Variants in SPOPL observed in about 807,000 individuals in gnomAD.
SPOPL encodes speckle-type POZ protein-like.
In SPOPL, 23 loss-of-function variants were observed where a neutral mutation model predicts 53.8. The ratio of observed to expected loss-of-function variants is 0.43; its 90% CI spans 0.31 to 0.61. SPOPL has a LOEUF of 0.61. Ranked by LOEUF, SPOPL falls within the 20% of genes least tolerant of loss-of-function variation. The pLI, the probability that SPOPL is intolerant of heterozygous loss-of-function variation, is 0.12. For synonymous variants in SPOPL, 164 were observed against 149.7 expected (o/e 1.10, Z -0.70); for missense variants, 442 against 466.9 (o/e 0.95, Z 0.49).
chr2:138,520,683 G>A (rs1215585742), intron 1 of SPOPL, among the ~76,000 whole-genome samples: 7 of 152,124 alleles, frequency 4.6e-5, no homozygotes, highest in African/African-American at 1.4e-4. Context: ...CAATGAATAA[G>A]AGAGAAAGAG....
chr2:138,515,413 G>T (rs912412975), intron 1 of SPOPL, among the ~76,000 whole-genome samples: 1 of 152,168 alleles, frequency 6.6e-6, no homozygotes, highest in Non-Finnish European at 1.5e-5. Context: ...TATATGAGCA[G>T]ATCTTTCTCA....
intron 1 of SPOPL, among the ~76,000 whole-genome samples, chr2:138,535,808 G>A (rs1236561569): frequency 2.0e-5 from 3 of 151,550 alleles, no homozygotes; most frequent in Non-Finnish European, 4.4e-5. Context: ...ACAGTTCTCT[G>A]AAGATGTTCA....
At chr2:138,558,286 A>G (rs1333260163) in intron 5 of SPOPL, among the ~76,000 whole-genome samples, 1 of 152,206 alleles carries the variant, frequency 6.6e-6, no homozygotes, top group African/African-American at 2.4e-5. Flanking sequence ...TTATATTGGA[A>G]TCTCCATAAA....
chr2:138,513,743 A>G (rs1351769412), intron 1 of SPOPL, among the ~76,000 whole-genome samples: 3 of 148,354 alleles, frequency 2.0e-5, no homozygotes, highest in Admixed American at 2.0e-4. Context: ...TTACCTCAAA[A>G]AAAAAAAAAA....
At chr2:138,559,409 A>G in intron 7 of SPOPL, 72 bp downstream of exon 7, 1 of 1,438,876 alleles carries the variant, frequency 6.9e-7, no homozygotes, top group Non-Finnish European at 9.4e-7. Flanking sequence ...TTTAAAAGTA[A>G]TAGTACAATG....
intron 7 of SPOPL, among the ~76,000 whole-genome samples, chr2:138,559,813 G>T (rs1047336503): frequency 1.3e-5 from 2 of 152,140 alleles, no homozygotes; most frequent in African/African-American, 4.8e-5. Flanking sequence ...ATCATGAAAT[G>T]TAATTATGTT....
chr2:138,539,751 T>G lies in SPOPL; in HGVS notation c.-60-10406T>G, dbSNP rs540199759. On this transcript the variant is annotated intron_variant, in intron 1 of 10. Transcript: ENST00000280098. ...TTTTGCTGTCCAGAAGCTCTTTAGT[T>G]TAATTAGATCCCATTTGTCAATTTT... 2.5e-4 allele frequency among the ~76,000 whole-genome samples: 38 copies of G among 152,374 alleles called. No homozygotes were observed. The South Asian group carries it at 7.5e-3, about 30-fold the overall frequency.
In SPOPL at chr2:138,550,266, C is replaced by G. The variant is rs746378649; in HGVS notation, c.50C>G (p.Pro17Arg). 2 of 1,613,444 alleles carry G rather than the reference C, an allele frequency of 1.2e-6. No homozygotes were observed. Among genetic ancestry groups the G allele is most frequent in the Non-Finnish European group, 1.7e-6 (2 of 1,179,656 alleles). Reference protein sequence around the residue: ...PPLPGDMSTGPIAESWCYTQV... With the variant: ...PPLPGDMSTGRIAESWCYTQV... The stretch of plus-strand genomic sequence containing the variant: ...CTACCTGGAGATATGTCTACTGGTC[C>G]CATAGCAGAAAGCTGGTGTTACACA... Residue 17 changes from proline (P) to arginine (R), a missense_variant, in exon 2 of 11, where the codon CCC (proline) becomes CGC (arginine). By Grantham distance (103) the Pro-to-Arg change is moderately radical (BLOSUM62 -2). Coordinates refer to ENST00000280098, the MANE Select transcript of SPOPL (RefSeq NM_001001664.3).
intron 4 of SPOPL, 147 bp downstream of exon 4, chr2:138,551,201 A>C: frequency 1.2e-6 from 1 of 838,736 alleles, no homozygotes; most frequent in Non-Finnish European, 1.8e-6. Context: ...ATTTAAATCC[A>C]GCATAGAGCT....
intron 1 of SPOPL, among the ~76,000 whole-genome samples, chr2:138,517,946 G>A (rs1558863058): frequency 6.6e-6 from 1 of 151,058 alleles, no homozygotes; most frequent in African/African-American, 2.4e-5. Context: ...AACTTGCAGG[G>A]CTGAGGCAGG....
Position 138,552,558 on chromosome 2 carries a change from C to T in SPOPL, c.357C>T (p.Ser119=). Residue 119 remains serine, a synonymous_variant, in exon 5 of 11, where the codon AGC becomes AGT. Transcript: ENST00000280098. ...CTCTATTCTGTTTTCCACCAGAAAG[C>T]CAAAGAGCATATCGATTTGTGCAAG... The part of the protein sequence containing the change: ...AKREETKAME[S]QRAYRFVQGK... The T allele has an allele frequency of 6.2e-7, 1 of 1,608,414 alleles. No homozygotes were observed. Among genetic ancestry groups the T allele is most frequent in the Non-Finnish European group, 8.5e-7 (1 of 1,177,944 alleles).
At chr2:138,520,816 T>C (rs917080610) in intron 1 of SPOPL, among the ~76,000 whole-genome samples, 2 of 152,240 alleles carry the variant, frequency 1.3e-5, no homozygotes, top group Non-Finnish European at 2.9e-5. Context: ...TATATTACTA[T>C]AATTTGAAAT....
chr2:138,564,766 T>C lies in SPOPL; in HGVS notation c.896T>C (p.Val299Ala). 1 of 1,614,170 alleles carries C rather than the reference T, an allele frequency of 6.2e-7. No homozygotes were observed. The highest frequency in any genetic ancestry group is 8.5e-7 in the Non-Finnish European group (1 of 1,180,014). ...CEEALCSNLS[V>A]ENVADTLVLA... is the part of the protein sequence containing the mutation. The stretch of plus-strand genomic sequence containing the variant: ...GAAGCTTTGTGTAGTAACCTCTCAG[T>C]AGAGAATGTTGCAGATACCCTTGTC... Residue 299 changes from valine to alanine, a missense_variant, in exon 9 of 11, where the codon GTA becomes GCA. Transcript: ENST00000280098.
rs1268873361 is a variant in SPOPL, at chr2:138,501,982, G to C, written c.-198G>C. The C allele has an allele frequency of 2.6e-5, 4 of 152,430 alleles. No homozygotes were observed. Among genetic ancestry groups the C allele is most frequent in the Non-Finnish European group, 5.9e-5 (4 of 68,234 alleles). The allele number at this position is 152,430 out of a possible 1,614,324, so 9.4% of individuals were successfully genotyped here. On this transcript the variant is annotated 5_prime_UTR_variant, in exon 1 of 11. Transcript: ENST00000280098. Reference sequence around the variant, plus strand: ...GGGAGGAGGGATGCGGTTCGGCGGAGGCGGCCGCCACAGGGACTTGCCGCC... The same window carrying C: ...GGGAGGAGGGATGCGGTTCGGCGGACGCGGCCGCCACAGGGACTTGCCGCC...
At chr2:138,518,579 A>G (rs1684494696) in intron 1 of SPOPL, among the ~76,000 whole-genome samples, 1 of 152,234 alleles carries the variant, frequency 6.6e-6, no homozygotes, top group African/African-American at 2.4e-5. Flanking sequence ...GGTATTCACC[A>G]TTGAAACAAC....
At chr2:138,546,250 A>G (rs574480667) in intron 1 of SPOPL, among the ~76,000 whole-genome samples, 1 of 152,308 alleles carries the variant, frequency 6.6e-6, no homozygotes, top group African/African-American at 2.4e-5. Context: ...ATCACACTTG[A>G]AATGCTTAAG....
intron 1 of SPOPL, among the ~76,000 whole-genome samples, chr2:138,533,998 G>C (rs930519809): frequency 3.3e-5 from 5 of 152,016 alleles, no homozygotes; most frequent in Non-Finnish European, 7.4e-5. Flanking sequence ...TCTTTAGACA[G>C]CATGATTTTT....
chr2:138,531,995 T>G (rs1191133097), intron 1 of SPOPL, among the ~76,000 whole-genome samples: 1 of 152,238 alleles, frequency 6.6e-6, no homozygotes, highest in African/African-American at 2.4e-5. Context: ...CAAGACTGTT[T>G]TAAGGCTATT....
intron 1 of SPOPL, among the ~76,000 whole-genome samples, chr2:138,526,553 A>C (rs754506138): frequency 6.6e-6 from 1 of 152,072 alleles, no homozygotes; most frequent in Non-Finnish European, 1.5e-5. Context: ...TATTTTATAA[A>C]ACTATACTGA....
Sources: gnomAD v4.1 joint callset for allele counts (sites outside exome capture counted in the v4.1 genomes callset) on GRCh38, gnomAD v4.1.1 for gene constraint, MANE v1.5 for transcripts, NCBI Gene and HGNC (gene_info 2026-07-23, HGNC 2026-07-21) for gene names.